The following MTBP variants were observed in gnomAD, a reference collection of about 807,000 sequenced individuals.
MTBP encodes mdm2-binding protein.
A neutral mutation model predicts 117.0 loss-of-function variants in MTBP; 101 were observed. The ratio of observed to expected loss-of-function variants is 0.86; its 90% CI spans 0.73 to 1.02. MTBP has a LOEUF of 1.02. Among genes scored for constraint, MTBP ranks in the 50% least tolerant of loss-of-function variants. The pLI is 0.00. For synonymous variants in MTBP, 350 were observed against 351.5 expected (o/e 1.00, Z 0.05); for missense variants, 970 against 1,030.9 (o/e 0.94, Z 0.81).
chr8:120,490,887 T>C (rs886593869), intron 13 of MTBP, among the ~76,000 whole-genome samples: 1 of 152,180 alleles, frequency 6.6e-6, no homozygotes, highest in South Asian at 2.1e-4. Context: ...TAACTCTTGA[T>C]AAAATATCTT....
intron 11 of MTBP, among the ~76,000 whole-genome samples, chr8:120,483,400 T>C (rs1017571750): frequency 3.9e-5 from 6 of 152,264 alleles, no homozygotes; most frequent in African/African-American, 9.6e-5. Context: ...TATGAACATA[T>C]ATAATAACTA....
intron 11 of MTBP, among the ~76,000 whole-genome samples, chr8:120,480,868 G>A (rs1406162539): frequency 2.6e-5 from 4 of 151,956 alleles, no homozygotes; most frequent in Non-Finnish European, 1.5e-5. Flanking sequence ...GGTTCAAAAT[G>A]CTTACTTTTT....
At position 120,453,853 on chromosome 8, in the gene MTBP, T is replaced by G; in HGVS notation, c.432T>G (p.Tyr144Ter). Residue 144 changes from tyrosine (Y) to a stop codon, truncating the protein, a stop_gained, in exon 5 of 22, where the codon TAT becomes TAG. Coordinates refer to ENST00000305949, the MANE Select transcript of MTBP (RefSeq NM_022045.5). LOFTEE classifies it high-confidence loss of function. ...ACTTACCCTTTTATTTTAGTCTCTA[T>G]GAAGAAGCTGCAGAAAATTTGCATC... ...SRESLSLADL[Y>*]EEAAENLHQL... 8 of 1,574,750 alleles carry G rather than the reference T, an allele frequency of 5.1e-6. No individual in the cohort carries two copies. The highest frequency in any genetic ancestry group is 6.9e-6 in the Non-Finnish European group (8 of 1,153,722).
chr8:120,488,450 C>T (rs1165368466), intron 12 of MTBP, 118 bp downstream of exon 12: 6 of 676,374 alleles, frequency 8.9e-6, no homozygotes, highest in African/African-American at 1.9e-5. Context: ...CGCCAAACTC[C>T]ATTCTCTTTC....
At chr8:120,490,766 G>A (rs1042844589) in intron 13 of MTBP, 196 bp downstream of exon 13, 17 of 422,676 alleles carry the variant, frequency 4.0e-5, no homozygotes, top group African/African-American at 3.6e-4. Context: ...CTGTTTATTT[G>A]TACATCACTG....
At chr8:120,499,540 T>A (rs553409408) in intron 14 of MTBP, among the ~76,000 whole-genome samples, 2 of 152,222 alleles carry the variant, frequency 1.3e-5, no homozygotes, top group Non-Finnish European at 2.9e-5. Context: ...ATTTTTAACA[T>A]CTTTTGTTGC....
At position 120,511,118 on chromosome 8, in the gene MTBP, C is replaced by T. The variant is rs906508513; in HGVS notation, c.1979+1089C>T. On this transcript the variant is annotated intron_variant, in intron 17 of 21. Coordinates refer to ENST00000305949, the MANE Select transcript of MTBP (RefSeq NM_022045.5). ...TTATAAAAAGATAAGATATGCCACC[C>T]GATCCATGTTTTTAGTTCTGCTATT... Among the ~76,000 whole-genome samples the T allele has an allele frequency of 8.5e-5, 13 of 152,062 alleles. 1 individual carries two copies. The highest frequency in any genetic ancestry group is 2.0e-4 in the Admixed American group (3 of 15,244).
rs749803551 is a variant in MTBP, at chr8:120,515,943, A to G, written c.1998A>G (p.Arg666=). The change falls in exon 18 of 22, where the codon CGA becomes CGG. Residue 666 remains arginine (R), a synonymous_variant. Coordinates refer to ENST00000305949, the MANE Select transcript of MTBP (RefSeq NM_022045.5). ...YHGIEYCLDD[R]KALERDGGFS... ...ATTTTAGATATTGCTTGGATGACCGAAAAGCTTTGGAAAGAGATGGAGGAT... is the reference window on the plus strand; with the variant it reads ...ATTTTAGATATTGCTTGGATGACCGGAAAGCTTTGGAAAGAGATGGAGGAT... 5.0e-6 allele frequency: 8 copies of G among 1,612,272 alleles called. No homozygotes were observed. The African/African-American group carries it at 6.7e-5, about 13-fold the overall frequency.
chr8:120,520,358 A>G (rs766991283), intron 20 of MTBP, among the ~76,000 whole-genome samples: 1 of 152,146 alleles, frequency 6.6e-6, no homozygotes, highest in Non-Finnish European at 1.5e-5. Context: ...AAAAAAATTT[A>G]CCAGAAATTA....
In MTBP at chr8:120,451,154, A is replaced by G. The variant is rs1313004327; in HGVS notation, c.274-17A>G. On this transcript the variant is annotated splice_polypyrimidine_tract_variant and intron_variant, in intron 3 of 21. Transcript: ENST00000305949. ...ATTTCATGATCCATTATTTAATACAATCTTTTGATTTGTTAGTTTTGTAGT... is the reference window on the plus strand; with the variant it reads ...ATTTCATGATCCATTATTTAATACAGTCTTTTGATTTGTTAGTTTTGTAGT... 4 of 1,591,516 alleles carry G rather than the reference A, an allele frequency of 2.5e-6. No homozygotes were observed. The highest frequency in any genetic ancestry group is 2.7e-5 in the African/African-American group (2 of 73,838).
chr8:120,474,128 C>G (rs1813883947), intron 11 of MTBP, among the ~76,000 whole-genome samples: 1 of 151,610 alleles, frequency 6.6e-6, no homozygotes, highest in Admixed American at 6.6e-5. Context: ...AAATTATCTC[C>G]TCTTGAAATC....
intron 14 of MTBP, 80 bp downstream of exon 14, chr8:120,497,634 A>G (rs1199781408): frequency 2.4e-6 from 2 of 848,706 alleles, no homozygotes; most frequent in Non-Finnish European, 3.6e-6. Context: ...TATAAAATGT[A>G]TTGGTCAAAT....
At chr8:120,505,388 T>G (rs937229259) in intron 15 of MTBP, among the ~76,000 whole-genome samples, 19 of 152,274 alleles carry the variant, frequency 1.2e-4, no homozygotes, top group African/African-American at 4.1e-4. Flanking sequence ...ACAGGCACTG[T>G]ATCTTTACAA....
At chr8:120,499,900 A>C (rs905566893) in intron 14 of MTBP, among the ~76,000 whole-genome samples, 6 of 152,218 alleles carry the variant, frequency 3.9e-5, no homozygotes, top group African/African-American at 1.4e-4. Context: ...TGCATAAGTA[A>C]GTTTTCCAGG....
At chr8:120,446,608 C>A in intron 2 of MTBP, 95 bp downstream of exon 2, 1 of 791,386 alleles carries the variant, frequency 1.3e-6, no homozygotes, top group Non-Finnish European at 2.2e-6. Flanking sequence ...GGAAATACTT[C>A]TTGACTGTGT....
Position 120,506,873 on chromosome 8 carries a change from A to G in MTBP, c.1883+12A>G. 4.5e-6 allele frequency: 7 copies of G among 1,557,068 alleles called. No homozygotes were observed. The highest frequency in any genetic ancestry group is 6.0e-6 in the Non-Finnish European group (7 of 1,158,154). ...CCGATTCAAAAGGGGTAGGTTATAA[A>G]CTTATAATTTCCAGTTAACTTTTTA... On this transcript the variant is annotated intron_variant, in intron 16 of 21. Transcript: ENST00000305949.
chr8:120,508,278 A>G (rs1389091402), intron 16 of MTBP, among the ~76,000 whole-genome samples: 1 of 152,204 alleles, frequency 6.6e-6, no homozygotes, highest in Non-Finnish European at 1.5e-5. Flanking sequence ...GAAATAATAA[A>G]CATTGACAAA....
At chr8:120,464,379 CT>C (rs546175004) in intron 10 of MTBP, among the ~76,000 whole-genome samples, 8 of 151,872 alleles carry the variant, frequency 5.3e-5, no homozygotes, top group Admixed American at 1.3e-4. Context: ...TGAAAGTTTG[CT>C]TTTTTTCTAG....
chr8:120,485,933 T>C (rs1270151580), intron 11 of MTBP, among the ~76,000 whole-genome samples: 2 of 152,188 alleles, frequency 1.3e-5, no homozygotes, highest in African/African-American at 4.8e-5. Flanking sequence ...TCACTTTGCC[T>C]TTCCCTGATA....
Sources: gnomAD v4.1 joint callset for allele counts (sites outside exome capture counted in the v4.1 genomes callset) on GRCh38, gnomAD v4.1.1 for gene constraint, MANE v1.5 for transcripts, NCBI Gene and HGNC (gene_info 2026-07-23, HGNC 2026-07-21) for gene names.